The following TSHZ2 variants were observed in gnomAD, a reference collection of about 807,000 sequenced individuals.
TSHZ2 encodes teashirt homolog 2.
Under a neutral mutation model 74.4 loss-of-function variants are expected in TSHZ2, and 21 were observed. That is an observed-to-expected ratio of 0.28 (90% CI 0.20 to 0.41). The LOEUF (loss-of-function observed/expected upper bound fraction) is 0.41, where lower values mean the gene tolerates loss of function less well. TSHZ2 is among the 10% of genes least tolerant of loss of function. The pLI is 1.00. For synonymous variants in TSHZ2, 540 were observed against 515.3 expected, an observed-to-expected ratio of 1.05 and a Z score of -0.65; for missense variants, 1,244 against 1,293.5, an observed-to-expected ratio of 0.96 and a Z score of 0.59.
At chr20:53,278,827 C>A (rs1202535576) in intron 2 of TSHZ2, among the ~76,000 whole-genome samples, 1 of 152,172 alleles carries the variant, frequency 6.6e-6, no homozygotes, top group East Asian at 1.9e-4. Flanking sequence ...TGTGTCACAA[C>A]TACAGCTGAC....
chr20:53,037,267 C>T (rs1389090936), intron 1 of TSHZ2, among the ~76,000 whole-genome samples: 2 of 152,170 alleles, frequency 1.3e-5, no homozygotes, highest in Non-Finnish European at 1.5e-5. Flanking sequence ...TGTGCTATCA[C>T]TAGTCAGATT....
intron 1 of TSHZ2, among the ~76,000 whole-genome samples, chr20:53,174,013 T>C (rs948725602): frequency 1.3e-5 from 2 of 152,098 alleles, no homozygotes; most frequent in African/African-American, 4.8e-5. Flanking sequence ...CACATACCCA[T>C]GAAGGCATGG....
At chr20:53,004,122 A>G (rs1982547084) in intron 1 of TSHZ2, among the ~76,000 whole-genome samples, 1 of 151,988 alleles carries the variant, frequency 6.6e-6, no homozygotes, top group African/African-American at 2.4e-5. Flanking sequence ...TTGCCTGAGC[A>G]TGGAACACGC....
At chr20:53,474,016 C>A (rs1985913864) in intron 2 of TSHZ2, among the ~76,000 whole-genome samples, 1 of 151,302 alleles carries the variant, frequency 6.6e-6, no homozygotes, top group Admixed American at 6.6e-5. Context: ...GTGAAAAGAC[C>A]AAATCTACGT....
chr20:53,350,210 T>G (rs1351297070), intron 2 of TSHZ2, among the ~76,000 whole-genome samples: 7 of 152,250 alleles, frequency 4.6e-5, no homozygotes, highest in Non-Finnish European at 1.0e-4. Context: ...GGGACTCGAA[T>G]GTAGACATCT....
intron 1 of TSHZ2, among the ~76,000 whole-genome samples, chr20:53,048,395 G>C (rs1467693571): frequency 1.3e-5 from 2 of 152,206 alleles, no homozygotes. Flanking sequence ...TTCCTGCTCT[G>C]TCTGGGAAGG....
At chr20:53,440,268 G>A (rs940299312) in intron 2 of TSHZ2, among the ~76,000 whole-genome samples, 6 of 152,170 alleles carry the variant, frequency 3.9e-5, no homozygotes, top group East Asian at 3.8e-4. Flanking sequence ...ATCATGGTGC[G>A]TAATTGTAAA....
At chr20:53,141,889 T>A (rs989154243) in intron 1 of TSHZ2, among the ~76,000 whole-genome samples, 8 of 152,216 alleles carry the variant, frequency 5.3e-5, no homozygotes, top group African/African-American at 1.9e-4. Context: ...AGCCCAACGC[T>A]GAGGTCGCCC....
At chr20:53,455,745 G>A (rs966639165) in intron 2 of TSHZ2, among the ~76,000 whole-genome samples, 12 of 148,100 alleles carry the variant, frequency 8.1e-5, no homozygotes, top group Non-Finnish European at 1.3e-4. Flanking sequence ...AGAGTGTGAT[G>A]TTCCCCTTCC....
intron 1 of TSHZ2, among the ~76,000 whole-genome samples, chr20:53,234,945 C>T (rs1341659496): frequency 1.3e-5 from 2 of 151,984 alleles, no homozygotes; most frequent in Non-Finnish European, 2.9e-5. Flanking sequence ...GAGTGTTAAG[C>T]ATTGACAGTA....
At chr20:53,171,754 C>T (rs1357146380) in intron 1 of TSHZ2, among the ~76,000 whole-genome samples, 1 of 151,958 alleles carries the variant, frequency 6.6e-6, no homozygotes, top group African/African-American at 2.4e-5. Context: ...ATGTTTTTCT[C>T]ATTTATTTTC....
chr20:53,102,185 T>A (rs1248748021), intron 1 of TSHZ2, among the ~76,000 whole-genome samples: 1 of 152,042 alleles, frequency 6.6e-6, no homozygotes, highest in African/African-American at 2.4e-5. Context: ...ATGGACAATA[T>A]GTACGCAACT....
chr20:53,478,904 C>G (rs1168028909), intron 2 of TSHZ2, among the ~76,000 whole-genome samples: 1 of 152,024 alleles, frequency 6.6e-6, no homozygotes, highest in Non-Finnish European at 1.5e-5. Context: ...GTGACTTACA[C>G]CTATAATCCC....
In TSHZ2 at chr20:53,165,489, A is replaced by T. The variant is rs141251055; in HGVS notation, c.41-88010A>T. ...AATTTTCTCCTGCAGGTAGCTACAG[A>T]TGCTAGGGAGAAAATGCTCAAAACT... On this transcript the variant is annotated intron_variant, in intron 1 of 2. Coordinates refer to ENST00000371497, the MANE Select transcript of TSHZ2 (RefSeq NM_173485.6). 7.4e-3 allele frequency among the ~76,000 whole-genome samples: 1,126 copies of T among 152,346 alleles called. 8 individuals are homozygous for T. Among genetic ancestry groups the T allele is most frequent in the Non-Finnish European group, 0.01 (707 of 68,036 alleles).
chr20:53,433,562 A>AACACAGAC (rs1192720657), intron 2 of TSHZ2, among the ~76,000 whole-genome samples: 85 of 113,364 alleles, frequency 7.5e-4, no homozygotes, highest in African/African-American at 2.0e-3. Context: ...AGAACAAACC[A>AACACAGAC]ACACAGACAC....
At chr20:53,372,496 AAAGGAAGGAAGGAAAG>A (rs903503069) in intron 2 of TSHZ2, among the ~76,000 whole-genome samples, 14 of 151,902 alleles carry the variant, frequency 9.2e-5, no homozygotes, top group African/African-American at 3.4e-4. Context: ...AAGAAGGAAG[AAAGGAAGGAAGGAAAG>A]AAGGAAGGAA....
intron 1 of TSHZ2, among the ~76,000 whole-genome samples, chr20:53,044,804 G>T (rs1011657744): frequency 2.0e-5 from 3 of 152,042 alleles, no homozygotes; most frequent in Admixed American, 1.3e-4. Context: ...TGAACTCCTG[G>T]GTTCACGGGA....
chr20:53,182,760 C>G (rs1359973891), intron 1 of TSHZ2, among the ~76,000 whole-genome samples: 1 of 152,136 alleles, frequency 6.6e-6, no homozygotes, highest in Non-Finnish European at 1.5e-5. Flanking sequence ...ATGAGTGTCT[C>G]TCATCTTTTC....
At chr20:53,047,790 T>C (rs1271313713) in intron 1 of TSHZ2, among the ~76,000 whole-genome samples, 1 of 152,170 alleles carries the variant, frequency 6.6e-6, no homozygotes, top group Non-Finnish European at 1.5e-5. Flanking sequence ...AATTCCTGTG[T>C]GTTAAAACTA....
Sources: allele counts gnomAD v4.1 joint callset (sites outside exome capture counted in the v4.1 genomes callset), GRCh38; gene constraint gnomAD v4.1.1; transcripts MANE v1.5; gene names NCBI Gene and HGNC (gene_info 2026-07-23, HGNC 2026-07-21).